Variants in THADA observed in about 807,000 individuals in gnomAD.
THADA encodes the protein tRNA (32-2'-O)-methyltransferase regulator THADA.
In THADA, 213 loss-of-function variants were observed where a neutral mutation model predicts 219.8. The observed-to-expected ratio is 0.97, with a 90% CI of 0.87 to 1.09. THADA has a LOEUF of 1.09. THADA is among the 50% of genes least tolerant of loss of function. The pLI is 0.00. For missense variants in THADA, 2,956 were observed against 2,311.3 expected (o/e 1.28, Z -5.72); for synonymous variants, 1,018 against 828.9 (o/e 1.23, Z -3.92).
chr2:43,498,417 TAAC>T (rs914220130), intron 25 of THADA, among the ~76,000 whole-genome samples: 16 of 151,938 alleles, frequency 1.1e-4, no homozygotes, highest in African/African-American at 3.1e-4. Context: ...TAAAGAAAAA[TAAC>T]AACAATGTAG....
At chr2:43,328,010 A>G (rs62137413) in intron 30 of THADA, among the ~76,000 whole-genome samples, 4,680 of 152,258 alleles carry the variant, frequency 0.031, 110 homozygotes, top group South Asian at 0.087. Context: ...TCCTGTGGAT[A>G]GGAGTTAGGA....
At chr2:43,266,650 G>C (rs1027434710) in intron 36 of THADA, among the ~76,000 whole-genome samples, 1 of 152,112 alleles carries the variant, frequency 6.6e-6, no homozygotes, top group African/African-American at 2.4e-5. Flanking sequence ...TGTGATGGAG[G>C]CCTCAGCCCT....
intron 21 of THADA, among the ~76,000 whole-genome samples, chr2:43,535,062 C>G (rs1694374474): frequency 6.6e-6 from 1 of 151,438 alleles, no homozygotes; most frequent in South Asian, 2.1e-4. Context: ...AATGATATCT[C>G]ATTGTGGTTT....
intron 30 of THADA, among the ~76,000 whole-genome samples, chr2:43,332,130 G>C (rs886590618): frequency 6.6e-6 from 1 of 152,128 alleles, no homozygotes; most frequent in African/African-American, 2.4e-5. Flanking sequence ...CTGTCACCCA[G>C]GCCGGAGTGC....
chr2:43,423,043 G>A (rs1478021857), intron 28 of THADA, among the ~76,000 whole-genome samples: 1 of 152,158 alleles, frequency 6.6e-6, no homozygotes, highest in Non-Finnish European at 1.5e-5. Context: ...TCAAGCATTT[G>A]CCCAATGCCC....
At chr2:43,259,327 A>G (rs117887748) in intron 36 of THADA, among the ~76,000 whole-genome samples, 1 of 152,362 alleles carries the variant, frequency 6.6e-6, no homozygotes, top group East Asian at 1.9e-4. Context: ...GTCTTGATCC[A>G]TGAATGCTGG....
Position 43,398,042 on chromosome 2 carries a change from G to A in THADA, c.4156C>T (p.Leu1386=), listed in dbSNP as rs1558695587. The A allele has an allele frequency of 1.9e-6, 3 of 1,614,024 alleles. No individual in the cohort carries two copies. The highest frequency in any genetic ancestry group is 1.7e-6 in the Non-Finnish European group (2 of 1,179,858). Residue 1386 remains leucine, a synonymous_variant, in exon 29 of 38, where the codon CTG becomes TTG. Transcript: ENST00000405975. Reference sequence around the variant, plus strand: ...GTGCAGCTGGGGAGTGTGGACAACAGAGTTCGAATGGTATTAGGAATGTGA... The same window carrying A: ...GTGCAGCTGGGGAGTGTGGACAACAAAGTTCGAATGGTATTAGGAATGTGA... ...IDHIPNTIRT[L]LSTLPSCTDQ...
intron 26 of THADA, among the ~76,000 whole-genome samples, chr2:43,439,725 C>T (rs892955955): frequency 2.0e-5 from 3 of 152,094 alleles, no homozygotes; most frequent in African/African-American, 2.4e-5. Context: ...AGTGTATATA[C>T]GGTTCAGCGT....
At chr2:43,520,359 A>C (rs937766465) in intron 22 of THADA, among the ~76,000 whole-genome samples, 1 of 152,224 alleles carries the variant, frequency 6.6e-6, no homozygotes, top group African/African-American at 2.4e-5. Flanking sequence ...TTCAAGGTTC[A>C]TCATAAACAA....
chr2:43,582,174 T>C (rs896132736), intron 7 of THADA, among the ~76,000 whole-genome samples: 1 of 152,154 alleles, frequency 6.6e-6, no homozygotes, highest in African/African-American at 2.4e-5. Flanking sequence ...TCACTTCTTT[T>C]AGGGCAAAGA....
intron 24 of THADA, among the ~76,000 whole-genome samples, chr2:43,501,306 CCAAAAAAAAAAAAAAAAA>C (rs1688936358): frequency 8.1e-5 from 1 of 12,280 alleles, no homozygotes; most frequent in African/African-American, 2.7e-4. Context: ...AACTCCAACT[CCAAAAAAAAAAAAAAAAA>C]AAAAAAAAAA....
chr2:43,396,447 T>A (rs891546604), intron 29 of THADA, among the ~76,000 whole-genome samples: 1 of 152,286 alleles, frequency 6.6e-6, no homozygotes, highest in African/African-American at 2.4e-5. Flanking sequence ...AAAACTGACT[T>A]AGCTGCTATT....
intron 31 of THADA, among the ~76,000 whole-genome samples, chr2:43,293,562 T>G (rs955206733): frequency 4.6e-5 from 7 of 152,150 alleles, no homozygotes; most frequent in Non-Finnish European, 1.0e-4. Context: ...TAAACTTCCT[T>G]CAGGGGTGAA....
intron 21 of THADA, among the ~76,000 whole-genome samples, chr2:43,537,513 G>C (rs1341691833): frequency 6.6e-6 from 1 of 152,050 alleles, no homozygotes; most frequent in Non-Finnish European, 1.5e-5. Flanking sequence ...ATAAACTTTG[G>C]CAAAAGAAAA....
At chr2:43,576,394 G>A (rs750031656) in intron 10 of THADA, among the ~76,000 whole-genome samples, 39 of 152,116 alleles carry the variant, frequency 2.6e-4, no homozygotes, top group Non-Finnish European at 5.3e-4. Context: ...TAAGATTGCT[G>A]TTTCAGGTTC....
chr2:43,283,188 A>C (rs1673568264), intron 35 of THADA, among the ~76,000 whole-genome samples: 1 of 152,152 alleles, frequency 6.6e-6, no homozygotes, highest in Non-Finnish European at 1.5e-5. Context: ...TAAGTTTCCT[A>C]AGGCCTCCCA....
intron 30 of THADA, among the ~76,000 whole-genome samples, chr2:43,333,525 GA>G (rs1033197266): frequency 2.0e-5 from 3 of 147,422 alleles, no homozygotes; most frequent in African/African-American, 7.5e-5. Context: ...TTTTTTGAAA[GA>G]AAAAAAGAAG....
chr2:43,287,145 G>A (rs1558521024), intron 34 of THADA, 84 bp from the exon 35 acceptor site: 2 of 1,313,350 alleles, frequency 1.5e-6, no homozygotes, highest in South Asian at 2.9e-5. Flanking sequence ...ACACCAAACT[G>A]GGCCTGTAGA....
At chr2:43,235,222 C>G (rs531070353) in intron 36 of THADA, among the ~76,000 whole-genome samples, 1 of 150,716 alleles carries the variant, frequency 6.6e-6, no homozygotes, top group East Asian at 2.0e-4. Flanking sequence ...TCAAGTGATT[C>G]ACCCGCCTCA....
Sources: gnomAD v4.1 joint callset for allele counts (sites outside exome capture counted in the v4.1 genomes callset) on GRCh38, gnomAD v4.1.1 for gene constraint, MANE v1.5 for transcripts, NCBI Gene and HGNC (gene_info 2026-07-23, HGNC 2026-07-21) for gene names.